Variants in ANK2 observed in about 807,000 individuals in gnomAD.
ANK2 encodes the protein ankyrin-2.
In ANK2, 83 loss-of-function variants were observed where a neutral mutation model predicts 360.5. That is an observed-to-expected ratio of 0.23 (90% CI 0.19 to 0.28). ANK2 has a LOEUF of 0.28. Ranked by LOEUF, ANK2 falls within the 10% of genes least tolerant of loss-of-function variation. The pLI is 1.00. For synonymous variants in ANK2, 1,740 were observed against 1,759.5 expected, an observed-to-expected ratio of 0.99 and a Z score of 0.28; for missense variants, 4,201 against 4,795.7, an observed-to-expected ratio of 0.88 and a Z score of 3.66.
intron 1 of ANK2, among the ~76,000 whole-genome samples, chr4:113,161,634 T>C (rs894928443): frequency 6.6e-6 from 1 of 152,018 alleles, no homozygotes; most frequent in African/African-American, 2.4e-5. Context: ...AAATGTCAGC[T>C]GCATGATATT....
chr4:112,740,045 G>T, the ANK2 span, among the ~76,000 whole-genome samples: 3 of 151,912 alleles, frequency 2.0e-5, no homozygotes, highest in South Asian at 6.2e-4. Flanking sequence ...TTTGTTGCAG[G>T]CGGGTTCTTC....
chr4:112,837,196 G>A (rs1376625934), intron 1 of ANK2, among the ~76,000 whole-genome samples: 1 of 152,222 alleles, frequency 6.6e-6, no homozygotes, highest in South Asian at 2.1e-4. Flanking sequence ...GCTAAAAGGG[G>A]GCCCATGTAC....
At chr4:112,782,070 C>T in the ANK2 span, among the ~76,000 whole-genome samples, 8 of 152,132 alleles carry the variant, frequency 5.3e-5, no homozygotes, top group African/African-American at 1.9e-4. Flanking sequence ...CCTCGTGATC[C>T]GCCAGTCTCG....
rs1243000692 is a variant in ANK2, at chr4:113,367,548, A to C, written c.11033-18A>C. ...ATAGGTAAGCTTCAACTAAATACTT[A>C]AATCATTCTGCCTTTAGGGTTCTCG... On this transcript the variant is annotated intron_variant, in intron 41 of 45. Transcript: ENST00000357077. 5.0e-6 allele frequency: 8 copies of C among 1,613,086 alleles called. No homozygotes were observed. The Middle Eastern group carries it at 6.6e-4, about 133-fold the overall frequency.
chr4:112,800,094 G>A, the ANK2 span, among the ~76,000 whole-genome samples: 1 of 152,138 alleles, frequency 6.6e-6, no homozygotes, highest in African/African-American at 2.4e-5. Context: ...TATATGCCAT[G>A]CACGATGTTA....
chr4:112,757,796 A>T, the ANK2 span, among the ~76,000 whole-genome samples: 1 of 152,330 alleles, frequency 6.6e-6, no homozygotes, highest in Middle Eastern at 3.4e-3. Flanking sequence ...ACAGGAATAA[A>T]GAAAGGCTGT....
intron 22 of ANK2, among the ~76,000 whole-genome samples, chr4:113,298,783 C>G (rs1046020976): frequency 6.6e-6 from 1 of 152,162 alleles, no homozygotes; most frequent in Non-Finnish European, 1.5e-5. Flanking sequence ...ATGATCATTT[C>G]ACTATAGCCT....
intron 21 of ANK2, chr4:113,293,103 T>A (rs1040199068): frequency 5.0e-6 from 2 of 400,948 alleles, no homozygotes; most frequent in Non-Finnish European, 9.6e-6. Context: ...ACCTGGTACT[T>A]GCTAACAGGT....
intron 2 of ANK2, among the ~76,000 whole-genome samples, chr4:112,929,003 C>G (rs2092896603): frequency 6.6e-6 from 1 of 151,990 alleles, no homozygotes; most frequent in Non-Finnish European, 1.5e-5. Flanking sequence ...CAGGCGTGCA[C>G]CACCATGCCC....
intron 1 of ANK2, among the ~76,000 whole-genome samples, chr4:113,162,217 T>C (rs747802192): frequency 3.3e-5 from 5 of 152,162 alleles, no homozygotes; most frequent in Admixed American, 6.5e-5. Flanking sequence ...TTACAGCTTT[T>C]TTTTTTCTAT....
chr4:113,050,053 G>A (rs1001699403), intron 1 of ANK2, among the ~76,000 whole-genome samples: 2 of 152,174 alleles, frequency 1.3e-5, no homozygotes, highest in African/African-American at 4.8e-5. Flanking sequence ...TAGAGATAAG[G>A]TGTGTTCCAC....
chr4:112,794,507 A>G, the ANK2 span, among the ~76,000 whole-genome samples: 1 of 152,216 alleles, frequency 6.6e-6, no homozygotes, highest in Non-Finnish European at 1.5e-5. Flanking sequence ...TTTAGGTATG[A>G]TTAAGTCAAA....
chr4:113,160,148 C>T (rs2097466022), intron 1 of ANK2, among the ~76,000 whole-genome samples: 1 of 152,088 alleles, frequency 6.6e-6, no homozygotes. Context: ...ATGATACAGA[C>T]ACACTTTACT....
chr4:113,305,279 GC>G (rs1428968492), intron 23 of ANK2, among the ~76,000 whole-genome samples: 2 of 143,310 alleles, frequency 1.4e-5, no homozygotes, highest in Non-Finnish European at 3.0e-5. Context: ...GGCGGAGCTT[GC>G]AGTGAGCCGA....
At chr4:113,089,025 C>A (rs1051170641) in intron 1 of ANK2, among the ~76,000 whole-genome samples, 2 of 152,158 alleles carry the variant, frequency 1.3e-5, no homozygotes, top group African/African-American at 4.8e-5. Flanking sequence ...CTCCAGTGGG[C>A]CCAACTGGCT....
In ANK2 at chr4:113,233,106, GTTTTTTTTTTTTTTTTTTTT is replaced by G. The variant is rs1156385030; in HGVS notation, c.483+874_483+893del. 1.6e-3 allele frequency among the ~76,000 whole-genome samples: 126 copies of G among 79,692 alleles called. 1 individual carries two copies. Among genetic ancestry groups the G allele is most frequent in the Middle Eastern group, 0.02 (2 of 102 alleles). The allele number at this position is 79,692 out of a possible 152,430, so 52.3% of individuals were successfully genotyped here. A position where few individuals can be genotyped will look rare whatever the true frequency, so the allele number is the denominator to read the frequency against. ...CAGAGTATATGGGCTTGGCTTTTCT[GTTTTTTTTTTTTTTTTTTTT>G]TTTTTTTTTTTTTTTTTTTTTTTTT... On this transcript the variant is annotated intron_variant, in intron 5 of 45. Coordinates refer to ENST00000357077, the MANE Select transcript of ANK2 (RefSeq NM_001148.6).
At chr4:112,738,886 C>A in the ANK2 span, 81 of 668,782 alleles carry the variant, frequency 1.2e-4, no homozygotes, top group East Asian at 1.6e-3. Context: ...AACAAACAAA[C>A]AAAAAAACAA....
intron 14 of ANK2, 124 bp downstream of exon 14, chr4:113,265,119 C>A: frequency 1.1e-6 from 1 of 889,064 alleles, no homozygotes; most frequent in Non-Finnish European, 1.8e-6. Context: ...AGGATCAATT[C>A]AATAGCAGTT....
chr4:112,819,281 T>A (rs1243610589), intron 1 of ANK2, among the ~76,000 whole-genome samples: 1 of 152,248 alleles, frequency 6.6e-6, no homozygotes, highest in Non-Finnish European at 1.5e-5. Context: ...GATAGAGTTC[T>A]AGGTCAAGGT....
Sources: allele counts gnomAD v4.1 joint callset (sites outside exome capture counted in the v4.1 genomes callset), GRCh38; gene constraint gnomAD v4.1.1; transcripts MANE v1.5; gene names NCBI Gene and HGNC (gene_info 2026-07-23, HGNC 2026-07-21).